NRG2: variants seen among roughly 807,000 people sequenced by gnomAD.
The protein encoded by NRG2 is neuregulin 2.
Under a neutral mutation model 73.9 loss-of-function variants are expected in NRG2, and 27 were observed. The ratio of observed to expected loss-of-function variants is 0.37; its 90% CI spans 0.27 to 0.50. NRG2 has a LOEUF of 0.50. NRG2 is among the 20% of genes least tolerant of loss of function. The pLI, the probability that NRG2 is intolerant of heterozygous loss-of-function variation, is 0.96. For missense variants in NRG2, 1,126 were observed against 1,210.1 expected, an observed-to-expected ratio of 0.93 and a Z score of 1.03; for synonymous variants, 532 against 541.0, an observed-to-expected ratio of 0.98 and a Z score of 0.23.
intron 1 of NRG2, among the ~76,000 whole-genome samples, chr5:139,988,639 G>A (rs1032954742): frequency 6.6e-6 from 1 of 151,974 alleles, no homozygotes; most frequent in South Asian, 2.1e-4. Context: ...GTTGGGGCAA[G>A]GGAAGGATGA....
chr5:139,947,813 C>T (rs1159278299), intron 1 of NRG2, among the ~76,000 whole-genome samples: 1 of 152,192 alleles, frequency 6.6e-6, no homozygotes, highest in African/African-American at 2.4e-5. Flanking sequence ...TGATGTTGAA[C>T]ATACTTTCAC....
Position 139,852,453 on chromosome 5 carries a change from G to A in NRG2, c.1523C>T (p.Ala508Val). 1 of 1,613,906 alleles carries A rather than the reference G, an allele frequency of 6.2e-7. No homozygotes were observed. Among genetic ancestry groups the A allele is most frequent in the South Asian group, 1.1e-5 (1 of 91,042 alleles). Reference sequence around the variant, plus strand: ...CTACCTGTGGCTGGAGGTGGGTGTGGCTGTGGAGCAGTGGTGAGAAGGAGA... The same window carrying A: ...CTACCTGTGGCTGGAGGTGGGTGTGACTGTGGAGCAGTGGTGAGAAGGAGA... ...SCSPSHHCST[A>V]TPTSSHRHES... The change falls in exon 8 of 10, where the codon GCC becomes GTC. Residue 508 changes from alanine (A) to valine (V), a missense_variant. Ala to Val is a moderately conservative substitution (Grantham distance 64, BLOSUM62 0). Around this residue, in one of 3 missense-constraint regions of NRG2, gnomAD observed 539 missense variants for 703.2 expected, o/e 0.77. Transcript: ENST00000361474. The surrounding 1 kb of genome is among the most constrained non-coding windows in gnomAD (Gnocchi z 4.4).
chr5:139,877,491 GACCAC>G lies in NRG2; in HGVS notation c.991+3360_991+3364del, dbSNP rs755506151. Among the ~76,000 whole-genome samples, 239 of 152,380 alleles carry G rather than the reference GACCAC, an allele frequency of 1.6e-3. 1 individual carries two copies. Among genetic ancestry groups the G allele is most frequent in the Admixed American group, 4.0e-3 (62 of 15,312 alleles). ...ACCTTGGGATGAGTCAGAGGGGGCA[GACCAC>G]AGGGTGTGGTTGCTGCAGGTCTCAT... On this transcript the variant is annotated intron_variant, in intron 3 of 9. Transcript: ENST00000361474.
intron 5 of NRG2, among the ~76,000 whole-genome samples, chr5:139,858,087 A>G (rs1761917620): frequency 6.6e-6 from 1 of 152,202 alleles, no homozygotes; most frequent in South Asian, 2.1e-4. Flanking sequence ...CCTGTTTAGA[A>G]ACTCAAAATG....
rs34460247 is a variant in NRG2, at chr5:139,915,024, C to T, written c.701-27513G>A. ...CTCATCTTTCCCATCCTCAAGGTTG[C>T]GATCCCTGCACTCCCATACATGGCC... On this transcript the variant is annotated intron_variant, in intron 1 of 9. Transcript: ENST00000361474. The surrounding 1 kb of genome is among the most constrained non-coding windows in gnomAD (Gnocchi z 4.0). 0.04 allele frequency among the ~76,000 whole-genome samples: 6,086 copies of T among 152,260 alleles called. 157 individuals carry two copies. Among genetic ancestry groups the T allele is most frequent in the Non-Finnish European group, 0.056 (3,793 of 68,012 alleles).
chr5:139,935,565 T>C (rs1031140414), intron 1 of NRG2, among the ~76,000 whole-genome samples: 2 of 152,152 alleles, frequency 1.3e-5, no homozygotes, highest in African/African-American at 2.4e-5. Flanking sequence ...AAAAGATATA[T>C]GGAAAAGCAC....
At chr5:140,006,681 G>A (rs1174852299) in intron 1 of NRG2, among the ~76,000 whole-genome samples, 2 of 152,076 alleles carry the variant, frequency 1.3e-5, no homozygotes, top group African/African-American at 4.8e-5. Flanking sequence ...TGAGTATGGT[G>A]GAAGAGAAGA....
intron 1 of NRG2, among the ~76,000 whole-genome samples, chr5:139,890,366 C>T (rs1349356617): frequency 6.6e-6 from 1 of 152,030 alleles, no homozygotes; most frequent in African/African-American, 2.4e-5. Flanking sequence ...AATATTAAGG[C>T]TATTAACCTT....
rs117954551 is a variant in NRG2, at chr5:139,947,077, A to G, written c.701-59566T>C. Among the ~76,000 whole-genome samples the G allele has an allele frequency of 3.2e-4, 49 of 152,088 alleles. No individual in the cohort carries two copies. In the East Asian group the frequency reaches 9.3e-3, roughly 29 times the overall value. Reference sequence around the variant, plus strand: ...TTTGAACGCTTGTGCATTGCTGGCAAAACAGTTTTATTGAGGTATGTTCGC... The same window carrying G: ...TTTGAACGCTTGTGCATTGCTGGCAGAACAGTTTTATTGAGGTATGTTCGC... On this transcript the variant is annotated intron_variant, in intron 1 of 9. Transcript: ENST00000361474.
rs773989533 is a variant in NRG2 at position 139,954,161 on chromosome 5, T to C, written c.701-66650A>G. Among the ~76,000 whole-genome samples, 2 of 152,034 alleles carry C rather than the reference T, an allele frequency of 1.3e-5. No homozygotes were observed. The highest frequency in any genetic ancestry group is 2.9e-5 in the Non-Finnish European group (2 of 67,982). ...TTCTCTCCCCTTGCCTCCTGCACGATCGTGGCAAGACAACTGCTTCTCATT... is the reference window on the plus strand; with the variant it reads ...TTCTCTCCCCTTGCCTCCTGCACGACCGTGGCAAGACAACTGCTTCTCATT... On this transcript the variant is annotated intron_variant, in intron 1 of 9. Transcript: ENST00000361474. This position sits in a 1 kb window ranked among gnomAD's most constrained non-coding sequence, Gnocchi z 5.0.
chr5:139,906,056 G>C (rs957873867), intron 1 of NRG2, among the ~76,000 whole-genome samples: 8 of 152,044 alleles, frequency 5.3e-5, no homozygotes, highest in African/African-American at 1.9e-4. Context: ...CGCCCAGGCT[G>C]GAGTGCAGTG....
At chr5:139,892,618 C>T (rs1764283276) in intron 1 of NRG2, among the ~76,000 whole-genome samples, 1 of 152,062 alleles carries the variant, frequency 6.6e-6, no homozygotes, top group South Asian at 2.1e-4. Flanking sequence ...GCCCAGGGCC[C>T]ACACTACAAT....
intron 1 of NRG2, among the ~76,000 whole-genome samples, chr5:139,940,147 C>T (rs546918883): frequency 1.5e-4 from 23 of 152,290 alleles, no homozygotes; most frequent in Admixed American, 9.8e-4. Flanking sequence ...AAGATTTGTC[C>T]ACAAATGTTC....
intron 1 of NRG2, among the ~76,000 whole-genome samples, chr5:139,897,663 T>C (rs1166386560): frequency 2.6e-5 from 4 of 152,188 alleles, no homozygotes; most frequent in Non-Finnish European, 5.9e-5. Flanking sequence ...CTGTGACTGA[T>C]GGGTGCCTCA....
intron 1 of NRG2, among the ~76,000 whole-genome samples, chr5:139,993,139 G>T (rs78942808): frequency 0.016 from 2,384 of 151,852 alleles, 60 homozygotes; most frequent in African/African-American, 0.054. Context: ...GGAGGGGGAG[G>T]TTCTCTCTTT....
chr5:140,035,293 T>C (rs900335970), intron 1 of NRG2, among the ~76,000 whole-genome samples: 2 of 152,228 alleles, frequency 1.3e-5, no homozygotes, highest in African/African-American at 2.4e-5. Context: ...CAAGAAACTT[T>C]CTTTAATCTT....
chr5:140,035,848 TAAACAGAACCA>T (rs1761462659), intron 1 of NRG2, among the ~76,000 whole-genome samples: 4 of 151,992 alleles, frequency 2.6e-5, no homozygotes, highest in Non-Finnish European at 5.9e-5. Flanking sequence ...CTGTGAATGA[TAAACAGAACCA>T]CTGTGGATTC....
At chr5:140,005,887 T>C (rs1476983247) in intron 1 of NRG2, among the ~76,000 whole-genome samples, 1 of 152,156 alleles carries the variant, frequency 6.6e-6, no homozygotes, top group Non-Finnish European at 1.5e-5. Context: ...GCACTAGCAA[T>C]AGCTCCTTCT....
chr5:140,003,010 A>G (rs1354666022), intron 1 of NRG2, among the ~76,000 whole-genome samples: 25 of 152,162 alleles, frequency 1.6e-4, no homozygotes, highest in Non-Finnish European at 5.9e-5. Context: ...CATTTTTTGA[A>G]CTGGGGAAGA....
Sources: allele counts gnomAD v4.1 joint callset (sites outside exome capture counted in the v4.1 genomes callset), GRCh38; gene constraint gnomAD v4.1.1; regional missense constraint gnomAD v4.1.1; non-coding constraint Gnocchi (gnomAD v3.1); transcripts MANE v1.5; gene names NCBI Gene and HGNC (gene_info 2026-07-23, HGNC 2026-07-21).